GRIK4: variants seen among roughly 807,000 people sequenced by gnomAD.
The protein encoded by GRIK4 is glutamate receptor ionotropic, kainate 4.
Under a neutral mutation model 104.9 loss-of-function variants are expected in GRIK4, and 40 were observed. That is an observed-to-expected ratio of 0.38 (90% CI 0.30 to 0.50). The LOEUF (loss-of-function observed/expected upper bound fraction) is 0.50, where lower values mean the gene tolerates loss of function less well. Among genes scored for constraint, GRIK4 ranks in the 20% least tolerant of loss-of-function variants. The probability of loss-of-function intolerance (pLI) is 0.93; values close to 1 mark genes in which losing one functional copy is unlikely to be tolerated. For synonymous variants in GRIK4, 485 were observed against 524.9 expected (o/e 0.92, Z 1.04); for missense variants, 1,047 against 1,308.1 (o/e 0.80, Z 3.08).
chr11:120,647,943 C>G (rs1032938701), intron 1 of GRIK4, among the ~76,000 whole-genome samples: 6 of 152,220 alleles, frequency 3.9e-5, no homozygotes, highest in African/African-American at 1.4e-4. Flanking sequence ...GGTATGCTGG[C>G]GCAGTGCCAT....
At chr11:120,725,708 C>G (rs1951017357) in intron 3 of GRIK4, among the ~76,000 whole-genome samples, 1 of 151,662 alleles carries the variant, frequency 6.6e-6, no homozygotes, top group Non-Finnish European at 1.5e-5. Context: ...AACTAAGTTG[C>G]AAGCTTTAGG....
At chr11:120,736,458 C>A (rs1249192964) in intron 3 of GRIK4, among the ~76,000 whole-genome samples, 1 of 126,266 alleles carries the variant, frequency 7.9e-6, no homozygotes, top group African/African-American at 3.0e-5. Context: ...CACTCCAGTC[C>A]ACTGGCTCTA....
chr11:120,881,402 T>G (rs1476637977), intron 11 of GRIK4, among the ~76,000 whole-genome samples: 1 of 152,190 alleles, frequency 6.6e-6, no homozygotes, highest in Non-Finnish European at 1.5e-5. Context: ...ATGGATTTAT[T>G]TCACTCTGCT....
At chr11:120,617,704 C>T (rs948577405) in intron 1 of GRIK4, among the ~76,000 whole-genome samples, 1 of 152,118 alleles carries the variant, frequency 6.6e-6, no homozygotes, top group East Asian at 1.9e-4. Context: ...GTAGCACCTC[C>T]CCCACTCTTC....
chr11:120,583,140 A>T (rs1056160010), intron 1 of GRIK4, among the ~76,000 whole-genome samples: 2 of 152,168 alleles, frequency 1.3e-5, no homozygotes, highest in Non-Finnish European at 2.9e-5. Context: ...TGTTGGCCAC[A>T]TATATGTCTT....
intron 1 of GRIK4, among the ~76,000 whole-genome samples, chr11:120,551,060 G>T (rs1433007970): frequency 6.6e-6 from 1 of 152,120 alleles, no homozygotes; most frequent in African/African-American, 2.4e-5. Flanking sequence ...GAAGGTCAGG[G>T]GCTGGGATTC....
At chr11:120,738,407 G>A (rs1182275824) in intron 3 of GRIK4, among the ~76,000 whole-genome samples, 1 of 152,218 alleles carries the variant, frequency 6.6e-6, no homozygotes, top group Non-Finnish European at 1.5e-5. Context: ...GAGGGCAAGC[G>A]ATAGGTCAGG....
At chr11:120,632,057 C>A (rs1423264213) in intron 1 of GRIK4, among the ~76,000 whole-genome samples, 1 of 152,162 alleles carries the variant, frequency 6.6e-6, no homozygotes, top group East Asian at 1.9e-4. Flanking sequence ...ATGTTTGTGT[C>A]CCCTTGAAAT....
At position 120,952,706 on chromosome 11, in the gene GRIK4, A is replaced by G. The variant is rs2134691480; in HGVS notation, c.1591-149A>G. On this transcript the variant is annotated intron_variant, in intron 14 of 20. Coordinates refer to ENST00000527524, the MANE Select transcript of GRIK4 (RefSeq NM_014619.5). This position sits in a 1 kb window ranked among gnomAD's most constrained non-coding sequence, Gnocchi z 5.2. ...GCAGCCCGGCAACACCCTCATTCCC[A>G]GTGTCATTTAAACCAATCACCCAGA... 1 of 692,906 alleles carries G rather than the reference A, an allele frequency of 1.4e-6. No homozygotes were observed. The highest frequency in any genetic ancestry group is 2.0e-5 in the Admixed American group (1 of 49,532). 42.9% of individuals were successfully genotyped at this position (692,906 alleles called of 1,614,324 possible). A position where few individuals can be genotyped will look rare whatever the true frequency, so the allele number is the denominator to read the frequency against.
intron 11 of GRIK4, among the ~76,000 whole-genome samples, chr11:120,878,589 T>G (rs1954879849): frequency 6.7e-6 from 1 of 150,234 alleles, no homozygotes; most frequent in Non-Finnish European, 1.5e-5. Context: ...GTGAAGTGGA[T>G]GGTGATCATT....
chr11:120,711,956 A>G (rs981316052), intron 3 of GRIK4, among the ~76,000 whole-genome samples: 4 of 151,028 alleles, frequency 2.6e-5, no homozygotes. Flanking sequence ...ATTCATTCAT[A>G]TATCCATGCA....
At chr11:120,761,437 A>G (rs1479281950) in intron 3 of GRIK4, among the ~76,000 whole-genome samples, 4 of 152,186 alleles carry the variant, frequency 2.6e-5, no homozygotes, top group African/African-American at 9.6e-5. Context: ...TGCTATGCAG[A>G]AGCTCTTTAG....
chr11:120,867,193 C>T (rs1285466996), intron 9 of GRIK4, among the ~76,000 whole-genome samples: 5 of 152,086 alleles, frequency 3.3e-5, no homozygotes, highest in African/African-American at 4.8e-5. Flanking sequence ...CTCACGGCAG[C>T]GACAATAGCA....
rs1431933226 is a variant in GRIK4, at chr11:120,905,287, C to T, written c.1273-3C>T. ...GAATGACAGCTGCCCAGTTTTGCTG[C>T]AGGAGAACCCATATTTAATGCTGAA... On this transcript the variant is annotated splice_region_variant and splice_polypyrimidine_tract_variant and intron_variant, in intron 12 of 20. Transcript: ENST00000527524. The surrounding 1 kb of genome is among the most constrained non-coding windows in gnomAD (Gnocchi z 5.1). 6.2e-7 allele frequency: 1 copy of T among 1,606,770 alleles called. No individual in the cohort carries two copies. The highest frequency in any genetic ancestry group is 1.3e-5 in the African/African-American group (1 of 74,742).
At chr11:120,800,343 T>C (rs1952600011) in intron 3 of GRIK4, among the ~76,000 whole-genome samples, 1 of 152,092 alleles carries the variant, frequency 6.6e-6, no homozygotes, top group African/African-American at 2.4e-5. Context: ...TGAGAAGCAT[T>C]CCTCTAGGCT....
Position 120,831,910 on chromosome 11 carries a change from C to A in GRIK4, c.570C>A (p.Ser190=), listed in dbSNP as rs767558643. The change falls in exon 7 of 21, where the codon TCC becomes TCA. Residue 190 remains serine, a synonymous_variant. Transcript: ENST00000527524. ...TCCTTATCTCCAAGGACACGCTGTC[C>A]GTCCGCATGCTGGATGACACCCGGG... ...RQFLISKDTL[S]VRMLDDTRDP... 6.2e-7 allele frequency: 1 copy of A among 1,613,738 alleles called. No homozygotes were observed.
At chr11:120,551,977 G>A (rs924466109) in intron 1 of GRIK4, among the ~76,000 whole-genome samples, 2 of 152,112 alleles carry the variant, frequency 1.3e-5, no homozygotes, top group African/African-American at 2.4e-5. Flanking sequence ...CTCACCCTAC[G>A]TATCTCTTCA....
intron 3 of GRIK4, among the ~76,000 whole-genome samples, chr11:120,717,775 A>G (rs1227976602): frequency 6.6e-6 from 1 of 152,114 alleles, no homozygotes; most frequent in Non-Finnish European, 1.5e-5. Context: ...AGGGAAGCCC[A>G]GCCGCCCAGC....
intron 1 of GRIK4, among the ~76,000 whole-genome samples, chr11:120,528,478 TGGCTGAG>T (rs1479118391): frequency 6.6e-6 from 1 of 152,236 alleles, no homozygotes; most frequent in Non-Finnish European, 1.5e-5. Context: ...GACTGGAGGC[TGGCTGAG>T]GGCAGGGACT....
Sources: allele counts gnomAD v4.1 joint callset (sites outside exome capture counted in the v4.1 genomes callset), GRCh38; gene constraint gnomAD v4.1.1; non-coding constraint Gnocchi (gnomAD v3.1); transcripts MANE v1.5; gene names NCBI Gene and HGNC (gene_info 2026-07-23, HGNC 2026-07-21).